The following CCDC178 variants were observed in gnomAD, a reference collection of about 807,000 sequenced individuals.
CCDC178 encodes the protein coiled-coil domain containing 178.
In CCDC178, 126 loss-of-function variants were observed where a neutral mutation model predicts 117.4. That is an observed-to-expected ratio of 1.07 (90% CI 0.93 to 1.24). The LOEUF (loss-of-function observed/expected upper bound fraction) is 1.24, where lower values mean the gene tolerates loss of function less well. CCDC178 is among the 50% of genes most tolerant of loss of function. The pLI is 0.00. For synonymous variants in CCDC178, 283 were observed against 313.4 expected, an observed-to-expected ratio of 0.90 and a Z score of 1.02; for missense variants, 1,030 against 986.9, an observed-to-expected ratio of 1.04 and a Z score of -0.59.
chr18:33,273,813 G>A (rs2144793501), intron 12 of CCDC178, among the ~76,000 whole-genome samples: 1 of 151,698 alleles, frequency 6.6e-6, no homozygotes, highest in African/African-American at 2.4e-5. Context: ...ATTAAGCAAT[G>A]GTTCCTCAGA....
intron 5 of CCDC178, among the ~76,000 whole-genome samples, chr18:33,371,087 A>T (rs1568182197): frequency 6.6e-6 from 1 of 152,024 alleles, no homozygotes. Context: ...GTTTTGTTTC[A>T]ATGCCAACCC....
intron 2 of CCDC178, among the ~76,000 whole-genome samples, chr18:33,419,692 C>T (rs1057294879): frequency 6.6e-6 from 1 of 152,162 alleles, no homozygotes; most frequent in Non-Finnish European, 1.5e-5. Context: ...AAATGCTCAA[C>T]ATCATTAATC....
intron 22 of CCDC178, among the ~76,000 whole-genome samples, chr18:32,947,331 A>G (rs2054379576): frequency 6.6e-6 from 1 of 152,212 alleles, no homozygotes; most frequent in South Asian, 2.1e-4. Flanking sequence ...GCAGTGTATG[A>G]GAGTTTTAGT....
intron 20 of CCDC178, among the ~76,000 whole-genome samples, chr18:33,097,361 C>T (rs944793814): frequency 6.6e-6 from 1 of 152,098 alleles, no homozygotes; most frequent in Non-Finnish European, 1.5e-5. Context: ...ATAAATCTAA[C>T]CCCTAGCCTC....
intron 9 of CCDC178, among the ~76,000 whole-genome samples, chr18:33,337,161 T>C (rs999918786): frequency 6.6e-6 from 1 of 150,824 alleles, no homozygotes; most frequent in Non-Finnish European, 1.5e-5. Context: ...GCAGCTATCA[T>C]GAAAGGAGTT....
At chr18:33,070,710 GATAT>G (rs1476824615) in intron 21 of CCDC178, among the ~76,000 whole-genome samples, 8 of 151,860 alleles carry the variant, frequency 5.3e-5, no homozygotes, top group African/African-American at 1.9e-4. Flanking sequence ...TGAGGTGATG[GATAT>G]CTTAAATAGC....
chr18:33,356,326 T>C lies in CCDC178; in HGVS notation c.369A>G (p.Glu123=). ...TAAAAAGCATGAAATTTTCTTACCATTCTTCAAAAGAAGTTTCAAACTGTC... is the reference window on the plus strand; with the variant it reads ...TAAAAAGCATGAAATTTTCTTACCACTCTTCAAAAGAAGTTTCAAACTGTC... ...HLKRFETSFE[E]WSRTSSTKDL... is the part of the protein sequence containing the mutation. The change falls in exon 7 of 23, where the codon GAA becomes GAG. Residue 123 remains glutamate (E), a splice_region_variant and synonymous_variant. Transcript: ENST00000383096. 1.3e-6 allele frequency: 2 copies of C among 1,482,012 alleles called. No homozygotes were observed. Among genetic ancestry groups the C allele is most frequent in the Non-Finnish European group, 1.8e-6 (2 of 1,096,892 alleles). The allele number at this position is 1,482,012 out of a possible 1,614,324, so 91.8% of individuals were successfully genotyped here.
intron 5 of CCDC178, among the ~76,000 whole-genome samples, chr18:33,375,647 T>C (rs2063354342): frequency 1.3e-5 from 2 of 152,144 alleles, no homozygotes; most frequent in African/African-American, 2.4e-5. Context: ...AAGGGACACA[T>C]TTGTATGATC....
intron 20 of CCDC178, among the ~76,000 whole-genome samples, chr18:33,201,126 T>G (rs2058986015): frequency 6.6e-6 from 1 of 152,200 alleles, no homozygotes; most frequent in South Asian, 2.1e-4. Flanking sequence ...TATTCTGTAC[T>G]TCAAAGCATT....
rs942085001 is a variant in CCDC178, at chr18:33,089,822, T to A, written c.2388+2939A>T. ...AAAAATGACATATTTTTATAAAAAG[T>A]ATTTGAAAGCTTCTAACAAAAATGT... is the stretch of plus-strand genomic sequence containing the variant. On this transcript the variant is annotated intron_variant, in intron 21 of 22. Transcript: ENST00000383096. Among the ~76,000 whole-genome samples the A allele has an allele frequency of 4.6e-5, 7 of 152,264 alleles. No homozygotes were observed. In the South Asian group the frequency reaches 1.4e-3, roughly 31 times the overall value.
At chr18:33,409,488 A>T (rs900485346) in intron 3 of CCDC178, among the ~76,000 whole-genome samples, 22 of 152,210 alleles carry the variant, frequency 1.4e-4, no homozygotes, top group Non-Finnish European at 1.3e-4. Flanking sequence ...TAATTTTAAA[A>T]GTGTTATTAT....
chr18:33,397,047 A>T, intron 4 of CCDC178, 102 bp downstream of exon 4: 1 of 744,656 alleles, frequency 1.3e-6, no homozygotes, highest in Non-Finnish European at 2.3e-6. Context: ...TAGGAAGAAC[A>T]GAAGAATGCC....
chr18:33,404,257 A>C (rs942112087), intron 3 of CCDC178, among the ~76,000 whole-genome samples: 10 of 152,140 alleles, frequency 6.6e-5, no homozygotes, highest in African/African-American at 2.4e-4. Context: ...CACTAATGCA[A>C]GATGTTAATA....
chr18:33,255,978 GA>G (rs11287799), intron 14 of CCDC178, among the ~76,000 whole-genome samples: 116,461 of 138,942 alleles, frequency 0.84, 48,706 homozygotes, highest in South Asian at 0.92. Context: ...AAGAAAGAGA[GA>G]AAAAAAAAAA....
intron 21 of CCDC178, among the ~76,000 whole-genome samples, chr18:33,091,884 G>A (rs147190215): frequency 6.6e-6 from 1 of 152,212 alleles, no homozygotes; most frequent in African/African-American, 2.4e-5. Context: ...ACTGAGGTTG[G>A]AAAAGGCAAC....
chr18:33,054,525 G>A (rs1367693677), intron 21 of CCDC178, among the ~76,000 whole-genome samples: 1 of 152,150 alleles, frequency 6.6e-6, no homozygotes, highest in Non-Finnish European at 1.5e-5. Flanking sequence ...TGCAGTGTTT[G>A]GTTTTCTCTT....
chr18:33,376,425 G>C (rs140818184), intron 5 of CCDC178, among the ~76,000 whole-genome samples: 36 of 152,184 alleles, frequency 2.4e-4, no homozygotes, highest in Admixed American at 6.5e-4. Flanking sequence ...CAATCTGTTT[G>C]GATTCTTGTT....
chr18:33,125,944 A>G (rs1467591550), intron 20 of CCDC178, among the ~76,000 whole-genome samples: 2 of 152,194 alleles, frequency 1.3e-5, no homozygotes, highest in Non-Finnish European at 2.9e-5. Flanking sequence ...CACATTAAGA[A>G]GTTTAGATTC....
chr18:32,976,867 T>C (rs977284080), intron 21 of CCDC178, among the ~76,000 whole-genome samples: 2 of 152,170 alleles, frequency 1.3e-5, no homozygotes, highest in African/African-American at 4.8e-5. Context: ...TATTGCAGTA[T>C]AGTTCTTTAT....
Sources: allele counts gnomAD v4.1 joint callset (sites outside exome capture counted in the v4.1 genomes callset), GRCh38; gene constraint gnomAD v4.1.1; transcripts MANE v1.5; gene names NCBI Gene and HGNC (gene_info 2026-07-23, HGNC 2026-07-21).